AGO2: variants seen among roughly 807,000 people sequenced by gnomAD.
The protein encoded by AGO2 is protein argonaute-2.
Under a neutral mutation model 102.3 loss-of-function variants are expected in AGO2, and 5 were observed. That is an observed-to-expected ratio of 0.05 (90% CI 0.03 to 0.10). AGO2 has a LOEUF of 0.10. AGO2 is among the 10% of genes least tolerant of loss of function. AGO2 has a pLI of 1.00. For synonymous variants in AGO2, 449 were observed against 473.1 expected (o/e 0.95, Z 0.66); for missense variants, 541 against 1,183.7 (o/e 0.46, Z 7.97).
chr8:140,595,494 T>C (rs2073812333), intron 1 of AGO2, among the ~76,000 whole-genome samples: 1 of 149,982 alleles, frequency 6.7e-6, no homozygotes, highest in Non-Finnish European at 1.5e-5. Flanking sequence ...AGACAGAATC[T>C]CACTCTGTTG....
chr8:140,563,733 C>G (rs1231012530), intron 3 of AGO2, among the ~76,000 whole-genome samples: 1 of 152,184 alleles, frequency 6.6e-6, no homozygotes. Flanking sequence ...CTCTGTGCAC[C>G]TGAGGTGCCC....
intron 2 of AGO2, among the ~76,000 whole-genome samples, chr8:140,581,712 C>T (rs1033688395): frequency 6.6e-6 from 1 of 152,174 alleles, no homozygotes; most frequent in Non-Finnish European, 1.5e-5. Context: ...AAGAAAGCTG[C>T]TTAACCCAGT....
chr8:140,569,986 A>G (rs935428669), intron 3 of AGO2, among the ~76,000 whole-genome samples: 8 of 152,222 alleles, frequency 5.3e-5, no homozygotes, highest in Non-Finnish European at 1.2e-4. Flanking sequence ...ACGAAAAAGT[A>G]CTTCACAGAA....
At chr8:140,636,915 C>T (rs1157525096), upstream of AGO2, 1 of 152,230 alleles carries the variant, frequency 6.6e-6, no homozygotes, top group Non-Finnish European at 1.5e-5. Flanking sequence ...GGAATCTAGC[C>T]ATTCACAAAA....
intron 6 of AGO2, among the ~76,000 whole-genome samples, chr8:140,558,928 G>A (rs1432085069): frequency 6.6e-6 from 1 of 152,192 alleles, no homozygotes; most frequent in Non-Finnish European, 1.5e-5. Flanking sequence ...TGGAGCCAGG[G>A]GTGGGCCCCC....
At chr8:140,634,377 C>A (rs2074376220) in intron 1 of AGO2, among the ~76,000 whole-genome samples, 1 of 152,262 alleles carries the variant, frequency 6.6e-6, no homozygotes, top group African/African-American at 2.4e-5. Flanking sequence ...GCCTCCTCGC[C>A]CGGCCGGGTA....
intron 16 of AGO2, among the ~76,000 whole-genome samples, chr8:140,538,992 A>G (rs1363434274): frequency 6.6e-6 from 1 of 152,176 alleles, no homozygotes; most frequent in African/African-American, 2.4e-5. Context: ...AGTCCTAGCT[A>G]CCAGGGAGGC....
chr8:140,623,694 C>T (rs370309378), intron 1 of AGO2, among the ~76,000 whole-genome samples: 4 of 151,930 alleles, frequency 2.6e-5, no homozygotes, highest in East Asian at 1.9e-4. Flanking sequence ...CCCCATGGCC[C>T]CTCCCTCCAT....
Position 140,549,316 on chromosome 8 carries a change from G to T in AGO2, c.1404-18C>A. On this transcript the variant is annotated intron_variant, in intron 11 of 18. Coordinates refer to ENST00000220592, the MANE Select transcript of AGO2 (RefSeq NM_012154.5). Reference sequence around the variant, plus strand: ...TGAAGGACCTGCAGGAGAAGGCTCCGTTCACTACCGGGCACTGGGAATGGC... The same window carrying T: ...TGAAGGACCTGCAGGAGAAGGCTCCTTTCACTACCGGGCACTGGGAATGGC... 2 of 1,572,182 alleles carry T rather than the reference G, an allele frequency of 1.3e-6. No homozygotes were observed. Among genetic ancestry groups the T allele is most frequent in the South Asian group, 2.3e-5 (2 of 86,822 alleles).
chr8:140,573,532 A>C (rs1429246014), intron 2 of AGO2, among the ~76,000 whole-genome samples: 1 of 152,196 alleles, frequency 6.6e-6, no homozygotes, highest in Non-Finnish European at 1.5e-5. Context: ...TTTGGGCAAC[A>C]TGACTTCCAA....
At chr8:140,537,526 T>C (rs2072718897) in intron 16 of AGO2, among the ~76,000 whole-genome samples, 1 of 152,188 alleles carries the variant, frequency 6.6e-6, no homozygotes, top group African/African-American at 2.4e-5. Flanking sequence ...AGTCTTGAAC[T>C]CTTGGACTAA....
chr8:140,549,348 C>A, intron 11 of AGO2, 50 bp from the exon 12 acceptor site: 2 of 1,523,576 alleles, frequency 1.3e-6, no homozygotes, highest in Admixed American at 4.1e-5. Context: ...TGGCAGAGAA[C>A]TCAGGCCGAC....
At chr8:140,604,931 T>G (rs2073976920) in intron 1 of AGO2, among the ~76,000 whole-genome samples, 1 of 152,186 alleles carries the variant, frequency 6.6e-6, no homozygotes, top group Non-Finnish European at 1.5e-5. Flanking sequence ...GTGATTCAGT[T>G]TTTTAAAAGA....
In AGO2 at chr8:140,555,863, G is replaced by A. The variant is rs367701207; in HGVS notation, c.1269+33C>T. 1.4e-4 allele frequency: 223 copies of A among 1,601,504 alleles called. 1 individual carries two copies. Among genetic ancestry groups the A allele is most frequent in the Middle Eastern group, 1.3e-3 (8 of 6,034 alleles). Reference sequence around the variant, plus strand: ...GGGTCGCAGGGCAGAGACATGCCCCGCAGCCACACGTTCCCCGCCGCCCCA... The same window carrying A: ...GGGTCGCAGGGCAGAGACATGCCCCACAGCCACACGTTCCCCGCCGCCCCA... On this transcript the variant is annotated intron_variant, in intron 10 of 18. Coordinates refer to ENST00000220592, the MANE Select transcript of AGO2 (RefSeq NM_012154.5).
intron 1 of AGO2, among the ~76,000 whole-genome samples, chr8:140,623,880 TAAAC>T (rs1330861981): frequency 1.3e-5 from 2 of 152,056 alleles, no homozygotes; most frequent in African/African-American, 2.4e-5. Flanking sequence ...ATTTAACTCT[TAAAC>T]AAAGAAATGA....
chr8:140,542,957 G>A (rs755553043), intron 14 of AGO2, among the ~76,000 whole-genome samples: 5 of 152,192 alleles, frequency 3.3e-5, no homozygotes, highest in Admixed American at 2.6e-4. Flanking sequence ...TGGCCAACAC[G>A]GTGAAACCCC....
intron 1 of AGO2, among the ~76,000 whole-genome samples, chr8:140,587,037 A>T (rs1019767317): frequency 2.6e-5 from 4 of 152,188 alleles, no homozygotes; most frequent in African/African-American, 9.7e-5. Flanking sequence ...CAGGTGAAGC[A>T]AAGCTGCTGG....
chr8:140,591,281 G>C (rs530257102), intron 1 of AGO2, among the ~76,000 whole-genome samples: 3 of 152,360 alleles, frequency 2.0e-5, no homozygotes, highest in African/African-American at 7.2e-5. Flanking sequence ...CCAAAAGAAT[G>C]GGCCATGGGA....
rs2073683998 is a variant in AGO2, at chr8:140,587,975, ACCTCCCCACTACTT to A, written c.23-2678_23-2665del. 2.6e-5 allele frequency among the ~76,000 whole-genome samples: 4 copies of A among 151,118 alleles called. No individual in the cohort carries two copies. The South Asian group carries it at 8.4e-4, about 32-fold the overall frequency. On this transcript the variant is annotated intron_variant, in intron 1 of 18. Coordinates refer to ENST00000220592, the MANE Select transcript of AGO2 (RefSeq NM_012154.5). Reference sequence around the variant, plus strand: ...TGGCCTGCATCCAAGACTCGACCTCACCTCCCCACTACTTCCAGGCCCACTGGAAGCAGCCATCC... The same window carrying A: ...TGGCCTGCATCCAAGACTCGACCTCACCAGGCCCACTGGAAGCAGCCATCC...
Sources: gnomAD v4.1 joint callset for allele counts (sites outside exome capture counted in the v4.1 genomes callset) on GRCh38, gnomAD v4.1.1 for gene constraint, MANE v1.5 for transcripts, NCBI Gene and HGNC (gene_info 2026-07-23, HGNC 2026-07-21) for gene names.